RUVBL1: variants seen among roughly 807,000 people sequenced by gnomAD.
RUVBL1 encodes ruvB-like 1.
A neutral mutation model predicts 52.4 loss-of-function variants in RUVBL1; 4 were observed. That is an observed-to-expected ratio of 0.08 (90% confidence interval 0.04 to 0.17). The LOEUF (loss-of-function observed/expected upper bound fraction) is 0.17, where lower values mean the gene tolerates loss of function less well. Ranked by LOEUF, RUVBL1 falls within the 10% of genes least tolerant of loss-of-function variation. RUVBL1 has a pLI of 1.00. For missense variants in RUVBL1, 298 were observed against 572.8 expected (o/e 0.52, Z 4.90); for synonymous variants, 217 against 214.4 (o/e 1.01, Z -0.10).
At chr3:128,123,269 T>C (rs879914442) in intron 1 of RUVBL1, among the ~76,000 whole-genome samples, 2 of 152,198 alleles carry the variant, frequency 1.3e-5, no homozygotes, top group Non-Finnish European at 2.9e-5. Context: ...ATTCCCGCTG[T>C]ATCCCAGTGT....
In RUVBL1 at chr3:128,112,967, G is replaced by A. The variant is rs758746163; in HGVS notation, c.282C>T (p.Cys94=). The A allele has an allele frequency of 2.0e-5, 33 of 1,614,076 alleles. No individual in the cohort carries two copies. Among genetic ancestry groups the A allele is most frequent in the Non-Finnish European group, 2.8e-5 (33 of 1,180,008 alleles). ...AQELGSKVPF[C]PMVGSEVYST... ...AGTAAACTTCACTCCCCACCATTGG[G>A]CAGAAGGGGACCTTACTACCCAGCT... Residue 94 remains cysteine, a synonymous_variant, in exon 3 of 11, where the codon TGC becomes TGT. Coordinates refer to ENST00000322623, the MANE Select transcript of RUVBL1 (RefSeq NM_003707.3).
At chr3:128,109,290 A>C (rs1576465255) in intron 3 of RUVBL1, among the ~76,000 whole-genome samples, 1 of 152,120 alleles carries the variant, frequency 6.6e-6, no homozygotes, top group African/African-American at 2.4e-5. Flanking sequence ...TCACTCCTAT[A>C]ATCTCAGCAC....
At chr3:128,119,255 CAT>C (rs1462188862) in intron 2 of RUVBL1, 71 bp downstream of exon 2, 2 of 1,105,820 alleles carry the variant, frequency 1.8e-6, no homozygotes, top group African/African-American at 3.1e-5. Flanking sequence ...CTAGTTAAGA[CAT>C]GAATTCAATT....
chr3:128,130,829 T>C (rs558608196), intron 1 of RUVBL1, among the ~76,000 whole-genome samples: 5 of 151,968 alleles, frequency 3.3e-5, no homozygotes, highest in African/African-American at 1.2e-4. Context: ...TTTTTGTATT[T>C]TTAGTAGAGA....
chr3:128,136,437 G>A (rs532763592), intron 1 of RUVBL1, among the ~76,000 whole-genome samples: 4 of 151,956 alleles, frequency 2.6e-5, no homozygotes, highest in South Asian at 2.1e-4. Context: ...ACTAGCCTGC[G>A]CAACATGGTG....
chr3:128,153,670 T>C, exon 1 of RUVBL1: 1 of 1,596,424 alleles, frequency 6.3e-7, no homozygotes, highest in South Asian at 1.1e-5. Context: ...GGGCTTCTCG[T>C]GCTTCTCGGT....
At chr3:128,141,623 A>C (rs1406293548) in intron 1 of RUVBL1, among the ~76,000 whole-genome samples, 1 of 152,160 alleles carries the variant, frequency 6.6e-6, no homozygotes, top group Non-Finnish European at 1.5e-5. Flanking sequence ...CAGACTCCTG[A>C]GTAGCTGGGA....
In RUVBL1 at chr3:128,104,859, T is replaced by A; in HGVS notation, c.427A>T (p.Thr143Ser). The A allele has an allele frequency of 1.2e-6, 2 of 1,613,754 alleles. No individual in the cohort carries two copies. Among genetic ancestry groups the A allele is most frequent in the Non-Finnish European group, 1.7e-6 (2 of 1,179,666 alleles). The change falls in exon 4 of 11, where the codon ACA becomes TCA. Residue 143 changes from threonine to serine, a missense_variant. Physicochemically the swap from Thr to Ser is moderately conservative, Grantham distance 58. Around this residue, in one of 5 missense-constraint regions of RUVBL1, gnomAD observed 58 missense variants for 83.2 expected, o/e 0.70. Coordinates refer to ENST00000322623, the MANE Select transcript of RUVBL1 (RefSeq NM_003707.3). ...CCATATCCTCCCATGGGATTCTCTG[T>A]CTCACACGGAGTTAGCTCTGTGACT... The part of the protein sequence containing the change: ...GEVTELTPCE[T>S]ENPMGGYGKT...
At chr3:128,123,864 G>A (rs537098595), upstream of RUVBL1, 1,912 of 1,342,850 alleles carry the variant, frequency 1.4e-3, 5 homozygotes, top group Non-Finnish European at 1.6e-3. Flanking sequence ...GTGGAAGCGG[G>A]AACACCTCCG....
At chr3:128,107,056 TA>T (rs1227655806) in intron 3 of RUVBL1, among the ~76,000 whole-genome samples, 2 of 151,980 alleles carry the variant, frequency 1.3e-5, no homozygotes, top group Admixed American at 6.6e-5. Context: ...AAGTCTACTT[TA>T]AAAAAAAATT....
At chr3:128,151,302 T>C (rs1260312119) in intron 1 of RUVBL1, among the ~76,000 whole-genome samples, 1 of 147,432 alleles carries the variant, frequency 6.8e-6, no homozygotes, top group Non-Finnish European at 1.5e-5. Flanking sequence ...CTATATCAAG[T>C]GATCTGCCTG....
chr3:128,150,730 ATATATATTCTATAT>A (rs1244231594), intron 1 of RUVBL1, among the ~76,000 whole-genome samples: 1 of 117,412 alleles, frequency 8.5e-6, no homozygotes, highest in African/African-American at 3.4e-5. Flanking sequence ...TATATATTCT[ATATATATTCTATAT>A]TATATATTCT....
intron 4 of RUVBL1, among the ~76,000 whole-genome samples, chr3:128,103,077 C>T (rs1256230129): frequency 6.6e-6 from 1 of 152,190 alleles, no homozygotes; most frequent in Admixed American, 6.5e-5. Flanking sequence ...ATTTGAGCAC[C>T]TTCTATCCAA....
At chr3:128,151,021 TA>T (rs1944198411) in intron 1 of RUVBL1, among the ~76,000 whole-genome samples, 4 of 97,934 alleles carry the variant, frequency 4.1e-5, no homozygotes, top group Non-Finnish European at 1.8e-5. Context: ...ATATTATATA[TA>T]TAATATATAT....
intron 7 of RUVBL1, among the ~76,000 whole-genome samples, 157 bp from the exon 8 acceptor site, chr3:128,097,655 T>G (rs947742307): frequency 4.6e-5 from 7 of 152,148 alleles, no homozygotes; most frequent in Non-Finnish European, 1.0e-4. Flanking sequence ...ACTCCAGGTT[T>G]CAGTGTCGTC....
chr3:128,065,732 A>ATTTTTTTTTTTTTTTT (rs758640768), intron 9 of RUVBL1, among the ~76,000 whole-genome samples: 1 of 97,528 alleles, frequency 1.0e-5, no homozygotes, highest in Non-Finnish European at 1.9e-5. Flanking sequence ...ATCATTAAGA[A>ATTTTTTTTTTTTTTTT]TTTTTTTTTT....
intron 1 of RUVBL1, among the ~76,000 whole-genome samples, chr3:128,135,935 A>G (rs765956321): frequency 6.6e-6 from 1 of 152,256 alleles, no homozygotes; most frequent in Non-Finnish European, 1.5e-5. Flanking sequence ...TATATATCAT[A>G]GAAACAACAA....
At chr3:128,153,254 T>G in exon 1 of RUVBL1, 1 of 1,346,768 alleles carries the variant, frequency 7.4e-7, no homozygotes, top group Non-Finnish European at 9.5e-7. Context: ...CATCTCGGGC[T>G]CCTAGAGGCT....
At chr3:128,111,328 T>G (rs1342656899) in intron 3 of RUVBL1, among the ~76,000 whole-genome samples, 4 of 151,986 alleles carry the variant, frequency 2.6e-5, no homozygotes, top group Admixed American at 2.6e-4. Context: ...CCAGGAACTG[T>G]GTCTACAAAG....
Sources: gnomAD v4.1 joint callset for allele counts (sites outside exome capture counted in the v4.1 genomes callset) on GRCh38, gnomAD v4.1.1 for gene constraint, gnomAD v4.1.1 regional missense constraint, MANE v1.5 for transcripts, NCBI Gene and HGNC (gene_info 2026-07-23, HGNC 2026-07-21) for gene names.